ZNF248: variants seen among roughly 807,000 people sequenced by gnomAD.
The protein encoded by ZNF248 is KRAB protein domain.
A neutral mutation model predicts 44.3 loss-of-function variants in ZNF248; 20 were observed. That is an observed-to-expected ratio of 0.45 (90% CI 0.32 to 0.66). The LOEUF is 0.66. ZNF248 is among the 30% of genes least tolerant of loss of function. The probability of loss-of-function intolerance (pLI) is 0.04; values close to 1 mark genes in which losing one functional copy is unlikely to be tolerated. For synonymous variants in ZNF248, 224 were observed against 229.0 expected, an observed-to-expected ratio of 0.98 and a Z score of 0.20; for missense variants, 654 against 677.0, an observed-to-expected ratio of 0.97 and a Z score of 0.38.
intron 6 of ZNF248, among the ~76,000 whole-genome samples, chr10:37,816,983 C>T (rs2052583316): frequency 6.6e-6 from 1 of 152,036 alleles, no homozygotes; most frequent in African/African-American, 2.4e-5. Flanking sequence ...TGAGATAGAG[C>T]CTGTGTCATG....
downstream of ZNF248, among the ~76,000 whole-genome samples, chr10:37,772,808 G>T (rs2132736345): frequency 6.6e-6 from 1 of 152,268 alleles, no homozygotes; most frequent in Admixed American, 6.5e-5. Context: ...TTCATTGAGG[G>T]AAGTAAACAG....
downstream of ZNF248, among the ~76,000 whole-genome samples, chr10:37,824,672 A>ATTTTTTTTTTTT (rs1564542451): frequency 6.7e-3 from 410 of 61,196 alleles, 17 homozygotes; most frequent in African/African-American, 0.027. Flanking sequence ...AATTATTTTA[A>ATTTTTTTTTTTT]ATTTTTTTTT....
chr10:37,781,529 G>A (rs1045147944), intron 6 of ZNF248, among the ~76,000 whole-genome samples: 5 of 152,110 alleles, frequency 3.3e-5, no homozygotes, highest in Non-Finnish European at 7.4e-5. Flanking sequence ...TCCTGTAGTC[G>A]TACAGCCATA....
chr10:37,835,977 C>T (rs2057081934), intron 5 of ZNF248, among the ~76,000 whole-genome samples: 1 of 152,110 alleles, frequency 6.6e-6, no homozygotes, highest in South Asian at 2.1e-4. Flanking sequence ...GTGATAACTC[C>T]CTTATATGTC....
chr10:37,804,157 T>G (rs928017619), intron 6 of ZNF248, among the ~76,000 whole-genome samples: 4 of 143,854 alleles, frequency 2.8e-5, no homozygotes, highest in African/African-American at 1.0e-4. Context: ...CAGGCTGGAG[T>G]GCAGTGGCGT....
intron 3 of ZNF248, among the ~76,000 whole-genome samples, chr10:37,839,670 T>C (rs2057973528): frequency 1.3e-5 from 2 of 151,944 alleles, no homozygotes; most frequent in Admixed American, 1.3e-4. Flanking sequence ...ACTATCAAAA[T>C]ACATAAGGCA....
the ZNF248 span, among the ~76,000 whole-genome samples, chr10:37,765,176 C>G: frequency 6.6e-6 from 1 of 151,996 alleles, no homozygotes; most frequent in African/African-American, 2.4e-5. Context: ...AGGCTGGTCT[C>G]GAACTCTTGA....
chr10:37,824,282 A>G (rs1423899554), downstream of ZNF248, among the ~76,000 whole-genome samples: 2 of 152,202 alleles, frequency 1.3e-5, no homozygotes, highest in Non-Finnish European at 2.9e-5. Context: ...GCCTTCAATC[A>G]GTTGGATGAG....
upstream of ZNF248, chr10:37,858,087 G>A (rs1377693009): frequency 6.6e-6 from 1 of 152,436 alleles, no homozygotes; most frequent in South Asian, 2.1e-4. Flanking sequence ...CCTGGAGCGG[G>A]AGGCGGGGAT....
chr10:37,830,411 A>G lies in ZNF248; in HGVS notation c.*1204T>C. ...TGTGAAATAATATTTCACTAAAAAC[A>G]TATACTGGCCAACCTACAAAGAGAC... On this transcript the variant is annotated 3_prime_UTR_variant, in exon 6 of 6. Coordinates refer to ENST00000395867, the MANE Select transcript of ZNF248 (RefSeq NM_021045.3). The G allele has an allele frequency of 1.0e-6, 1 of 985,414 alleles. No individual in the cohort carries two copies. Among genetic ancestry groups the G allele is most frequent in the Non-Finnish European group, 1.2e-6 (1 of 829,924 alleles). 61.0% of individuals were successfully genotyped at this position (985,414 alleles called of 1,614,324 possible).
chr10:37,819,759 T>C, intron 6 of ZNF248: 1 of 782,116 alleles, frequency 1.3e-6, no homozygotes, highest in Non-Finnish European at 2.4e-6. Flanking sequence ...CCATTGGTCC[T>C]GCTTTTCCAC....
At chr10:37,837,543 G>A in intron 5 of ZNF248, 74 bp downstream of exon 5, 2 of 1,249,626 alleles carry the variant, frequency 1.6e-6, no homozygotes, top group Non-Finnish European at 2.3e-6. Flanking sequence ...ATATTCCAAA[G>A]GTGACAAATC....
the ZNF248 span, among the ~76,000 whole-genome samples, chr10:37,767,248 C>T: frequency 2.0e-5 from 3 of 152,094 alleles, no homozygotes; most frequent in Admixed American, 6.6e-5. Flanking sequence ...GGCAGGCCAA[C>T]GTTCAGATTC....
At chr10:37,813,163 G>A (rs1028810533) in intron 6 of ZNF248, among the ~76,000 whole-genome samples, 6 of 152,102 alleles carry the variant, frequency 3.9e-5, no homozygotes, top group East Asian at 1.9e-4. Flanking sequence ...TCCAAAGCCC[G>A]ACCATGAGGC....
At position 37,829,171 on chromosome 10, in the gene ZNF248, C is replaced by A; in HGVS notation, c.*2444G>T. 4.1e-6 allele frequency: 4 copies of A among 985,474 alleles called. No homozygotes were observed. The highest frequency in any genetic ancestry group is 4.8e-6 in the Non-Finnish European group (4 of 829,974). 61.0% of individuals were successfully genotyped at this position (985,474 alleles called of 1,614,324 possible). A position where few individuals can be genotyped will look rare whatever the true frequency, so the allele number is the denominator to read the frequency against. On this transcript the variant is annotated 3_prime_UTR_variant, in exon 6 of 6. Transcript: ENST00000395867. ...ACACCAGCAATTTGGCACCACAGTT[C>A]TGGTAGTAATGATGTCTCTTACAAG...
chr10:37,833,210 C>A, intron 5 of ZNF248, 94 bp from the exon 6 acceptor site: 1 of 1,458,724 alleles, frequency 6.9e-7, no homozygotes, highest in South Asian at 1.5e-5. Context: ...ACAGTCAATT[C>A]TTTTGTTTTA....
At chr10:37,824,085 T>A (rs2053953390), downstream of ZNF248, among the ~76,000 whole-genome samples, 1 of 152,042 alleles carries the variant, frequency 6.6e-6, no homozygotes, top group Non-Finnish European at 1.5e-5. Context: ...AGTCCCAAGA[T>A]CTGCAGGTTG....
intron 6 of ZNF248, among the ~76,000 whole-genome samples, chr10:37,786,763 T>C (rs1259931384): frequency 2.0e-5 from 3 of 152,234 alleles, no homozygotes; most frequent in Non-Finnish European, 4.4e-5. Context: ...CTTTGTGTAT[T>C]TTATGAAAAT....
At chr10:37,833,214 T>C in intron 5 of ZNF248, 98 bp from the exon 6 acceptor site, 1 of 1,451,292 alleles carries the variant, frequency 6.9e-7, no homozygotes, top group Non-Finnish European at 9.0e-7. Context: ...TCAATTCTTT[T>C]GTTTTAAATT....
Sources: allele counts gnomAD v4.1 joint callset (sites outside exome capture counted in the v4.1 genomes callset), GRCh38; gene constraint gnomAD v4.1.1; transcripts MANE v1.5; gene names NCBI Gene and HGNC (gene_info 2026-07-23, HGNC 2026-07-21).